Variants in TREH observed in about 807,000 individuals in gnomAD.
The protein encoded by TREH is alpha,alpha-trehalose glucohydrolase.
TREH carries 69 observed loss-of-function variants against 80.5 expected under a neutral mutation model. That is an observed-to-expected ratio of 0.86 (90% CI 0.71 to 1.05). The LOEUF is 1.05. Among genes scored for constraint, TREH ranks in the 50% least tolerant of loss-of-function variants. The probability of loss-of-function intolerance (pLI) is 0.00; values close to 1 mark genes in which losing one functional copy is unlikely to be tolerated. For missense variants in TREH, 716 were observed against 718.8 expected (o/e 1.00, Z 0.04); for synonymous variants, 309 against 293.5 (o/e 1.05, Z -0.54).
In TREH at chr11:118,659,003, G is replaced by T; in HGVS notation, c.1447C>A (p.Pro483Thr). The T allele has an allele frequency of 4.3e-6, 7 of 1,613,754 alleles. No individual in the cohort carries two copies. Among genetic ancestry groups the T allele is most frequent in the Non-Finnish European group, 5.9e-6 (7 of 1,179,858 alleles). ...GCCACTTCCTGGGCCCGACGTAAAGGTGCCTTGGCCAGGCCTAGACCCCAT... is the reference window on the plus strand; with the variant it reads ...GCCACTTCCTGGGCCCGACGTAAAGTTGCCTTGGCCAGGCCTAGACCCCAT... ...DLVIRGLAKA[P>T]LRRAQEVAFQ... Residue 483 changes from proline to threonine, a missense_variant, in exon 13 of 15, where the codon CCT becomes ACT. Physicochemically the swap from Pro to Thr is conservative, Grantham distance 38. Transcript: ENST00000264029.
chr11:118,661,220 A>G lies in TREH; in HGVS notation c.797T>C (p.Val266Ala). The change falls in exon 8 of 15, where the codon GTG becomes GCG. Residue 266 changes from valine to alanine, a missense_variant. By Grantham distance (64) the Val-to-Ala change is moderately conservative. Transcript: ENST00000264029. The surrounding 1 kb of genome is among the most constrained non-coding windows in gnomAD (Gnocchi z 4.2). ...DFWTKNRTVS[V>A]SLEGKNYLLN... ...GAGGTAGTTCTTTCCCTCCAAGCTC[A>G]CAGAGACAGTCCTGTTCTTGGTCCA... 1 of 1,614,006 alleles carries G rather than the reference A, an allele frequency of 6.2e-7. No individual in the cohort carries two copies. The highest frequency in any genetic ancestry group is 2.2e-5 in the East Asian group (1 of 44,884).
chr11:118,676,792 AC>A lies in TREH; in HGVS notation c.89+2746del, dbSNP rs1163119954. ...CTCAAAAAAAAAAAGAAAGAAAAAA[AC>A]AACAACAAAAAAACACTAATCAGGG... On this transcript the variant is annotated intron_variant, in intron 1 of 14. Transcript: ENST00000264029. 7.9e-4 allele frequency among the ~76,000 whole-genome samples: 120 copies of A among 151,900 alleles called. 1 individual carries two copies. Among genetic ancestry groups the A allele is most frequent in the Non-Finnish European group, 1.1e-3 (78 of 67,954 alleles).
chr11:118,660,947 C>T, intron 8 of TREH, 32 bp from the exon 9 acceptor site: 5 of 1,561,418 alleles, frequency 3.2e-6, no homozygotes, highest in Non-Finnish European at 4.3e-6. Flanking sequence ...CAGCCTGGCA[C>T]TAGTAGCTAC....
chr11:118,658,355 G>A lies in TREH; in HGVS notation c.1686C>T (p.Phe562=), dbSNP rs372118781. 15 of 1,603,664 alleles carry A rather than the reference G, an allele frequency of 9.4e-6. No homozygotes were observed. In the African/African-American group the frequency reaches 1.5e-4, roughly 16 times the overall value. ...TGGCCGCCAGGCAGTGGGGCTCCAG[G>A]AAAGCCAGCTTGGCCCCTGAGGTCA... The part of the protein sequence containing the change: ...DRLTSGAKLA[F]LEPHCLAATL... The change falls in exon 15 of 15, where the codon TTC becomes TTT. Residue 562 remains phenylalanine, a synonymous_variant. Coordinates refer to ENST00000264029, the MANE Select transcript of TREH (RefSeq NM_007180.3).
At chr11:118,662,037 G>A in intron 4 of TREH, 47 bp from the exon 5 acceptor site, 1 of 1,468,722 alleles carries the variant, frequency 6.8e-7, no homozygotes. Context: ...CCCCACGGAA[G>A]CAGAGGCTAC....
Position 118,658,445 on chromosome 11 carries a change from G to A in TREH, c.1600-4C>T. The A allele has an allele frequency of 5.6e-6, 9 of 1,610,570 alleles. No individual in the cohort carries two copies. Among genetic ancestry groups the A allele is most frequent in the Non-Finnish European group, 7.6e-6 (9 of 1,179,158 alleles). On this transcript the variant is annotated splice_region_variant and splice_polypyrimidine_tract_variant and intron_variant, in intron 14 of 14. Coordinates refer to ENST00000264029, the MANE Select transcript of TREH (RefSeq NM_007180.3). ...CATTCGTCCAGCCAAATCCCTCCTG[G>A]GAGAGGCAGGGCAGTGGGGCCAGTT...
At chr11:118,676,712 A>T (rs1409954287) in intron 1 of TREH, among the ~76,000 whole-genome samples, 2 of 60 alleles carry the variant, frequency 0.033, no homozygotes, top group South Asian at 0.5. Flanking sequence ...GGTTGCATTG[A>T]GCCAAAATGC....
At chr11:118,658,514 C>T (rs1949251294) in intron 14 of TREH, 73 bp from the exon 15 acceptor site, 3 of 1,554,944 alleles carry the variant, frequency 1.9e-6, no homozygotes, top group East Asian at 2.4e-5. Flanking sequence ...TGGGCTCTCT[C>T]CCCAGGGGCA....
At chr11:118,670,489 G>A (rs1052682783) in intron 1 of TREH, among the ~76,000 whole-genome samples, 8 of 152,296 alleles carry the variant, frequency 5.3e-5, no homozygotes, top group Non-Finnish European at 8.8e-5. Context: ...TGAATATGCC[G>A]AAAATTTAGA....
At chr11:118,669,916 C>T (rs1208661128) in intron 1 of TREH, among the ~76,000 whole-genome samples, 1 of 151,922 alleles carries the variant, frequency 6.6e-6, no homozygotes, top group Non-Finnish European at 1.5e-5. Context: ...CCCATGTACC[C>T]TGATGTCATT....
chr11:118,661,230 T>G lies in TREH; in HGVS notation c.787A>C (p.Thr263Pro). ...TTTCCCTCCAAGCTCACAGAGACAG[T>G]CCTGTTCTTGGTCCAAAAGTCCAAT... ...LELDFWTKNR[T>P]VSVSLEGKNY... Residue 263 changes from threonine (T) to proline (P), a missense_variant, in exon 8 of 15, where the codon ACT becomes CCT. Physicochemically the swap from Thr to Pro is conservative, Grantham distance 38. Coordinates refer to ENST00000264029, the MANE Select transcript of TREH (RefSeq NM_007180.3). This position sits in a 1 kb window ranked among gnomAD's most constrained non-coding sequence, Gnocchi z 4.2. 1.9e-6 allele frequency: 3 copies of G among 1,613,938 alleles called. No individual in the cohort carries two copies. The highest frequency in any genetic ancestry group is 2.2e-5 in the South Asian group (2 of 91,080).
At position 118,662,999 on chromosome 11, in the gene TREH, G is replaced by A. The variant is rs781869920; in HGVS notation, c.336-31C>T. 3.1e-6 allele frequency: 5 copies of A among 1,611,072 alleles called. No homozygotes were observed. The African/African-American group carries it at 5.3e-5, about 17-fold the overall frequency. On this transcript the variant is annotated intron_variant, in intron 3 of 14. Coordinates refer to ENST00000264029, the MANE Select transcript of TREH (RefSeq NM_007180.3). ...AGAACACAGGCCCCACAGGGTTCAA[G>A]GAGGCAGCTCAGTTGGAAGGAACCC...
intron 1 of TREH, among the ~76,000 whole-genome samples, chr11:118,673,344 C>T (rs1372930086): frequency 1.3e-5 from 2 of 152,218 alleles, no homozygotes; most frequent in African/African-American, 4.8e-5. Flanking sequence ...TGTCAGGACC[C>T]AGGTAGCCCT....
At chr11:118,663,959 C>T (rs1184689450) in intron 1 of TREH, among the ~76,000 whole-genome samples, 1 of 152,160 alleles carries the variant, frequency 6.6e-6, no homozygotes, top group Non-Finnish European at 1.5e-5. Context: ...CAAAATAATC[C>T]TGAAACCTGA....
Position 118,663,321 on chromosome 11 carries a change from C to CA in TREH, c.190+17dup. 6.4e-7 allele frequency: 1 copy of CA among 1,573,420 alleles called. No homozygotes were observed. The highest frequency in any genetic ancestry group is 2.3e-5 in the East Asian group (1 of 42,910). The stretch of plus-strand genomic sequence containing the variant: ...GAGAAGGTTCTCTGGAGAGGACGTT[C>CA]AGCCCTAGGTGCTTCACCTGGAGCT... On this transcript the variant is annotated intron_variant, in intron 2 of 14. Coordinates refer to ENST00000264029, the MANE Select transcript of TREH (RefSeq NM_007180.3).
chr11:118,678,758 C>A (rs1392492865), intron 1 of TREH, among the ~76,000 whole-genome samples: 1 of 151,348 alleles, frequency 6.6e-6, no homozygotes, highest in Non-Finnish European at 1.5e-5. Context: ...GGGTGGACAT[C>A]GCCTGAGTCC....
Position 118,661,789 on chromosome 11 carries a change from A to G in TREH, c.525-60T>C. 1 of 1,606,642 alleles carries G rather than the reference A, an allele frequency of 6.2e-7. No homozygotes were observed. The highest frequency in any genetic ancestry group is 1.1e-5 in the South Asian group (1 of 90,888). ...CCTCCCTCTGCCCTGCACACCAGCC[A>G]GTGGGGCACTCTGCCCTGCTGAAGA... On this transcript the variant is annotated intron_variant, in intron 5 of 14. Transcript: ENST00000264029. The surrounding 1 kb of genome is among the most constrained non-coding windows in gnomAD (Gnocchi z 4.2).
chr11:118,679,230 AG>A (rs1949509948), intron 1 of TREH, among the ~76,000 whole-genome samples: 1 of 152,072 alleles, frequency 6.6e-6, no homozygotes, highest in Non-Finnish European at 1.5e-5. Flanking sequence ...CCAGCTACTC[AG>A]GAGGCTGAGG....
In TREH at chr11:118,658,382, CCGGTCACCATAG is replaced by C. The variant is rs782699114; in HGVS notation, c.1647_1658del (p.Tyr550_Arg553del). 9 of 1,609,116 alleles carry C rather than the reference CCGGTCACCATAG, an allele frequency of 5.6e-6. No homozygotes were observed. In the East Asian group the frequency reaches 2.0e-4, roughly 36 times the overall value. ...AAGCCAGCTTGGCCCCTGAGGTCAG[CCGGTCACCATAG>C]CGGTCCAGCAGCATCAGGACCACGC... is the stretch of plus-strand genomic sequence containing the variant. On this transcript the variant is annotated inframe_deletion, in exon 15 of 15. Coordinates refer to ENST00000264029, the MANE Select transcript of TREH (RefSeq NM_007180.3).
Sources: allele counts gnomAD v4.1 joint callset (sites outside exome capture counted in the v4.1 genomes callset), GRCh38; gene constraint gnomAD v4.1.1; non-coding constraint Gnocchi (gnomAD v3.1); transcripts MANE v1.5; gene names NCBI Gene and HGNC (gene_info 2026-07-23, HGNC 2026-07-21).